Variants in MACROD2 observed in about 807,000 individuals in gnomAD.
MACROD2 encodes the protein ADP-ribose glycohydrolase MACROD2.
MACROD2 carries 36 observed loss-of-function variants against 70.4 expected under a neutral mutation model. The observed-to-expected ratio is 0.51, with a 90% confidence interval of 0.39 to 0.68. The LOEUF is 0.68. Ranked by LOEUF, MACROD2 falls within the 30% of genes least tolerant of loss-of-function variation. MACROD2 has a pLI of 0.00. For missense variants in MACROD2, 496 were observed against 538.4 expected, an observed-to-expected ratio of 0.92 and a Z score of 0.78; for synonymous variants, 172 against 178.8, an observed-to-expected ratio of 0.96 and a Z score of 0.30.
intron 8 of MACROD2, among the ~76,000 whole-genome samples, chr20:15,567,154 G>C (rs1194308512): frequency 6.7e-6 from 1 of 149,912 alleles, no homozygotes; most frequent in African/African-American, 2.5e-5. Flanking sequence ...AAAATAACTT[G>C]GTTTTGATTC....
At chr20:15,156,920 G>T (rs411901) in intron 5 of MACROD2, among the ~76,000 whole-genome samples, 89,522 of 151,922 alleles carry the variant, frequency 0.59, 26,492 homozygotes, top group East Asian at 0.65. Flanking sequence ...AAAGTAAAAA[G>T]TTTTAAATTT....
At chr20:14,993,740 C>G (rs987003251) in intron 5 of MACROD2, among the ~76,000 whole-genome samples, 1 of 152,104 alleles carries the variant, frequency 6.6e-6, no homozygotes, top group Non-Finnish European at 1.5e-5. Flanking sequence ...TAACTGACAG[C>G]TGAAGTGAAG....
In MACROD2 at chr20:15,679,160, C is replaced by T. The variant is rs1026304877; in HGVS notation, c.645+179313C>T. Among the ~76,000 whole-genome samples, 9 of 150,452 alleles carry T rather than the reference C, an allele frequency of 6.0e-5. No homozygotes were observed. In the East Asian group the frequency reaches 1.8e-3, roughly 30 times the overall value. On this transcript the variant is annotated intron_variant, in intron 8 of 17. Transcript: ENST00000684519. The stretch of plus-strand genomic sequence containing the variant: ...GCTAAGGCAGGAGAATCGCTGGAAC[C>T]TGGGAGGTGGAGGTTGCAGTGAGCT...
chr20:14,939,597 T>G (rs1038034229), intron 5 of MACROD2, among the ~76,000 whole-genome samples: 4 of 152,172 alleles, frequency 2.6e-5, no homozygotes. Context: ...CCATATCAAT[T>G]TTAGGATTGC....
rs375723140 is a variant in MACROD2 at position 15,967,777 on chromosome 20, G to A, written c.985+147G>A. On this transcript the variant is annotated intron_variant, in intron 13 of 17. Coordinates refer to ENST00000684519, the MANE Select transcript of MACROD2 (RefSeq NM_001351661.2). ...ATTAGCACTGAATACCAGTTGATCA[G>A]TAGCTGCCATCTTTAGATGACACTT... The A allele has an allele frequency of 3.2e-4, 183 of 575,668 alleles. 1 individual carries two copies. The African/African-American group carries it at 3.3e-3, about 10-fold the overall frequency. The allele number at this position is 575,668 out of a possible 1,614,324, so 35.7% of individuals were successfully genotyped here. A position where few individuals can be genotyped will look rare whatever the true frequency, so the allele number is the denominator to read the frequency against.
chr20:14,302,184 A>G (rs1199461008), intron 3 of MACROD2, among the ~76,000 whole-genome samples: 6 of 152,164 alleles, frequency 3.9e-5, no homozygotes, highest in Non-Finnish European at 7.4e-5. Context: ...TTTTATCTGG[A>G]GTCTCTGGAG....
intron 8 of MACROD2, among the ~76,000 whole-genome samples, chr20:15,676,626 T>C (rs766029580): frequency 6.6e-6 from 1 of 152,224 alleles, no homozygotes; most frequent in Admixed American, 6.5e-5. Context: ...TTTCACTTTG[T>C]TTTATTGCAC....
At chr20:14,742,260 T>G (rs534874407) in intron 5 of MACROD2, among the ~76,000 whole-genome samples, 13 of 152,288 alleles carry the variant, frequency 8.5e-5, no homozygotes, top group African/African-American at 2.6e-4. Context: ...ACTTCAATAG[T>G]TTGAGAAAGA....
chr20:14,827,820 T>C (rs1417727008), intron 5 of MACROD2, among the ~76,000 whole-genome samples: 1 of 152,086 alleles, frequency 6.6e-6, no homozygotes, highest in Non-Finnish European at 1.5e-5. Flanking sequence ...ACTAACATTT[T>C]AATAAACATT....
chr20:14,857,608 A>C (rs1400856349), intron 5 of MACROD2, among the ~76,000 whole-genome samples: 3 of 152,158 alleles, frequency 2.0e-5, no homozygotes, highest in African/African-American at 7.2e-5. Flanking sequence ...TTCATTTACA[A>C]AATTCAGACT....
rs1429040205 is a variant in MACROD2 at position 15,608,656 on chromosome 20, G to T, written c.645+108809G>T. On this transcript the variant is annotated intron_variant, in intron 8 of 17. Transcript: ENST00000684519. Reference sequence around the variant, plus strand: ...AGCTGATTCAACTCCTCCCTAATAGGCTACTTAATTAAAAAACCTTAAGCC... The same window carrying T: ...AGCTGATTCAACTCCTCCCTAATAGTCTACTTAATTAAAAAACCTTAAGCC... Among the ~76,000 whole-genome samples the T allele has an allele frequency of 8.5e-5, 13 of 152,168 alleles. No individual in the cohort carries two copies. In the East Asian group the frequency reaches 2.5e-3, roughly 29 times the overall value.
intron 8 of MACROD2, among the ~76,000 whole-genome samples, chr20:15,793,505 A>G (rs2063644710): frequency 6.6e-6 from 1 of 152,012 alleles, no homozygotes; most frequent in South Asian, 2.1e-4. Flanking sequence ...CTGAATTGTA[A>G]GATTCTGGGG....
At chr20:15,422,046 T>C (rs1409112436) in intron 6 of MACROD2, among the ~76,000 whole-genome samples, 1 of 152,192 alleles carries the variant, frequency 6.6e-6, no homozygotes, top group Non-Finnish European at 1.5e-5. Context: ...AGTAGAATCA[T>C]GCTTTGTGCA....
At chr20:14,548,139 T>G (rs1978389626) in intron 4 of MACROD2, among the ~76,000 whole-genome samples, 1 of 152,198 alleles carries the variant, frequency 6.6e-6, no homozygotes. Context: ...ATTGGGGCCA[T>G]ATTTGGAGAC....
intron 5 of MACROD2, among the ~76,000 whole-genome samples, chr20:15,111,417 A>T (rs987085616): frequency 2.0e-5 from 3 of 151,752 alleles, no homozygotes; most frequent in Non-Finnish European, 4.4e-5. Context: ...TGATCCACCC[A>T]CCTTGGCCTC....
intron 6 of MACROD2, among the ~76,000 whole-genome samples, chr20:15,283,131 C>A (rs1347997813): frequency 6.6e-6 from 1 of 152,174 alleles, no homozygotes; most frequent in Admixed American, 6.5e-5. Flanking sequence ...GATCCAACTA[C>A]CTCCCCTTGG....
intron 5 of MACROD2, among the ~76,000 whole-genome samples, chr20:15,217,260 T>C (rs182112220): frequency 4.7e-4 from 72 of 152,314 alleles, no homozygotes; most frequent in Middle Eastern, 6.8e-3. Context: ...ACGTGGTAAA[T>C]GCAACTACGT....
intron 5 of MACROD2, among the ~76,000 whole-genome samples, chr20:15,076,000 T>G (rs1032093784): frequency 3.3e-5 from 5 of 152,226 alleles, no homozygotes; most frequent in Non-Finnish European, 5.9e-5. Context: ...AAAGGCGATA[T>G]GTGTTAACTA....
intron 2 of MACROD2, among the ~76,000 whole-genome samples, chr20:14,039,169 T>G (rs2148638470): frequency 1.3e-5 from 2 of 152,312 alleles, no homozygotes; most frequent in South Asian, 2.1e-4. Flanking sequence ...TTTTAAAAAT[T>G]TTTTATGTTG....
Sources: allele counts gnomAD v4.1 joint callset (sites outside exome capture counted in the v4.1 genomes callset), GRCh38; gene constraint gnomAD v4.1.1; transcripts MANE v1.5; gene names NCBI Gene and HGNC (gene_info 2026-07-23, HGNC 2026-07-21).